The following M1AP variants were observed in gnomAD, a reference collection of about 807,000 sequenced individuals.
M1AP encodes the protein meiosis 1 associated protein.
Under a neutral mutation model 51.2 loss-of-function variants are expected in M1AP, and 39 were observed. The ratio of observed to expected loss-of-function variants is 0.76; its 90% CI spans 0.59 to 1.00. M1AP has a LOEUF of 1.00. Among genes scored for constraint, M1AP ranks in the 50% least tolerant of loss-of-function variants. M1AP has a pLI of 0.00. For synonymous variants in M1AP, 251 were observed against 249.2 expected, an observed-to-expected ratio of 1.01 and a Z score of -0.07; for missense variants, 545 against 641.2, an observed-to-expected ratio of 0.85 and a Z score of 1.62.
At chr2:74,606,499 C>A (rs1341121601) in intron 4 of M1AP, among the ~76,000 whole-genome samples, 2 of 152,076 alleles carry the variant, frequency 1.3e-5, no homozygotes, top group African/African-American at 4.8e-5. Context: ...AGCTGTCCAA[C>A]ACACATGAAC....
intron 2 of M1AP, among the ~76,000 whole-genome samples, chr2:74,617,223 C>A (rs1681718912): frequency 6.6e-6 from 1 of 152,174 alleles, no homozygotes. Context: ...AACTATAGGA[C>A]AGACACAGAA....
rs1233987741 is a variant in M1AP, at chr2:74,571,432, CTGACT to C, written c.1074+4001_1074+4005del. 2.0e-5 allele frequency among the ~76,000 whole-genome samples: 3 copies of C among 152,090 alleles called. No homozygotes were observed. The East Asian group carries it at 5.8e-4, about 29-fold the overall frequency. ...GAAGGCAAGAGAGTTAAATATGGAG[CTGACT>C]TGAAATCAGATTTTAAAAGAACATA... On this transcript the variant is annotated intron_variant, in intron 7 of 10. Coordinates refer to ENST00000421985, the MANE Select transcript of M1AP (RefSeq NM_001321739.2).
chr2:74,615,053 G>T lies in M1AP; in HGVS notation c.337C>A (p.Arg113=). The part of the protein sequence containing the change: ...GCFRSQGASL[R]LAVEDGLQQF... ...TGGAGCCCATCCTCTACTGCCAGCCGCAGAGAAGCACCTTGTGATCTGAAA... is the reference window on the plus strand; with the variant it reads ...TGGAGCCCATCCTCTACTGCCAGCCTCAGAGAAGCACCTTGTGATCTGAAA... The change falls in exon 3 of 11, where the codon CGG becomes AGG. Residue 113 remains arginine (R), a synonymous_variant. Coordinates refer to ENST00000421985, the MANE Select transcript of M1AP (RefSeq NM_001321739.2). 1.9e-6 allele frequency: 3 copies of T among 1,614,126 alleles called. No individual in the cohort carries two copies. The highest frequency in any genetic ancestry group is 2.5e-6 in the Non-Finnish European group (3 of 1,179,996).
At chr2:74,576,049 GGAA>G (rs1679047981) in intron 6 of M1AP, among the ~76,000 whole-genome samples, 1 of 152,114 alleles carries the variant, frequency 6.6e-6, no homozygotes, top group Non-Finnish European at 1.5e-5. Flanking sequence ...TGGTTCTCCT[GGAA>G]GAAGGAATTC....
intron 2 of M1AP, among the ~76,000 whole-genome samples, chr2:74,630,503 C>A (rs192298683): frequency 6.6e-6 from 1 of 152,264 alleles, no homozygotes; most frequent in African/African-American, 2.4e-5. Context: ...CCTCAACGGG[C>A]CCCAGTGTGT....
chr2:74,561,349 C>A (rs1313584920), intron 8 of M1AP, among the ~76,000 whole-genome samples: 1 of 152,054 alleles, frequency 6.6e-6, no homozygotes, highest in Non-Finnish European at 1.5e-5. Context: ...TGAAGCCCTT[C>A]CTATTTTGGG....
chr2:74,637,408 G>C (rs1044401521), intron 2 of M1AP, among the ~76,000 whole-genome samples: 36 of 152,186 alleles, frequency 2.4e-4, no homozygotes, highest in African/African-American at 8.7e-4. Context: ...TGTCACTTCT[G>C]GGTCAGTTTT....
intron 6 of M1AP, among the ~76,000 whole-genome samples, 156 bp from the exon 7 acceptor site, chr2:74,575,735 A>G (rs1431449780): frequency 6.6e-6 from 1 of 152,280 alleles, no homozygotes. Context: ...CATCTAGCAT[A>G]GTATCTAGCA....
At position 74,596,803 on chromosome 2, in the gene M1AP, C is replaced by T. The variant is rs115788464; in HGVS notation, c.595+10252G>A. Among the ~76,000 whole-genome samples, 1,516 of 152,136 alleles carry T rather than the reference C, an allele frequency of 1.0e-2. 30 individuals are homozygous for T. The highest frequency in any genetic ancestry group is 0.034 in the African/African-American group (1,432 of 41,518). The stretch of plus-strand genomic sequence containing the variant: ...CCACTACTCAGCAATAAAAAGAAAA[C>T]GCACTACTGATATAAACAACATAGC... On this transcript the variant is annotated intron_variant, in intron 4 of 10. Coordinates refer to ENST00000421985, the MANE Select transcript of M1AP (RefSeq NM_001321739.2).
At position 74,647,975 on chromosome 2, in the gene M1AP, T is replaced by G. The variant is rs561508111; in HGVS notation, c.-53+290A>C. The G allele has an allele frequency of 3.1e-6, 3 of 979,042 alleles. No individual in the cohort carries two copies. In the South Asian group the frequency reaches 1.4e-4, roughly 46 times the overall value. 60.6% of individuals were successfully genotyped at this position (979,042 alleles called of 1,614,324 possible). A position where few individuals can be genotyped will look rare whatever the true frequency, so the allele number is the denominator to read the frequency against. ...TGGTCCCTCGGCATGGCGCCTACCG[T>G]GCCTGGCGGATCAGCAGCCCGGCCC... On this transcript the variant is annotated intron_variant, in intron 1 of 10. Coordinates refer to ENST00000421985, the MANE Select transcript of M1AP (RefSeq NM_001321739.2).
intron 4 of M1AP, among the ~76,000 whole-genome samples, chr2:74,593,686 A>C (rs1473825264): frequency 1.3e-5 from 2 of 152,192 alleles, no homozygotes; most frequent in Non-Finnish European, 2.9e-5. Flanking sequence ...TGGCCTGAAC[A>C]ATATTTAAAA....
intron 8 of M1AP, among the ~76,000 whole-genome samples, chr2:74,561,756 C>G (rs1678029028): frequency 6.6e-6 from 1 of 152,140 alleles, no homozygotes; most frequent in Non-Finnish European, 1.5e-5. Flanking sequence ...ACCAAACAAG[C>G]GTCCAGTGCA....
intron 7 of M1AP, among the ~76,000 whole-genome samples, chr2:74,565,145 C>T (rs1387105402): frequency 6.6e-6 from 1 of 152,002 alleles, no homozygotes; most frequent in Non-Finnish European, 1.5e-5. Flanking sequence ...ATCACTTGAA[C>T]CCGGGAGGTG....
At chr2:74,599,999 C>G (rs535784425) in intron 4 of M1AP, among the ~76,000 whole-genome samples, 3 of 152,196 alleles carry the variant, frequency 2.0e-5, no homozygotes, top group African/African-American at 7.2e-5. Flanking sequence ...ATTGCCCAGG[C>G]TGGTCTCAAA....
Position 74,562,398 on chromosome 2 carries a change from T to A in M1AP, c.1100A>T (p.Lys367Met). 1 of 1,614,218 alleles carries A rather than the reference T, an allele frequency of 6.2e-7. No individual in the cohort carries two copies. Residue 367 changes from lysine to methionine, a missense_variant, in exon 8 of 11, where the codon AAG becomes ATG. Physicochemically the swap from Lys to Met is moderately conservative, Grantham distance 95. Coordinates refer to ENST00000421985, the MANE Select transcript of M1AP (RefSeq NM_001321739.2). ...LLKREWLLLA[K>M]GEPPGPGHSQ... The stretch of plus-strand genomic sequence containing the variant: ...GTGTCCTGGGCCCGGTGGTTCCCCC[T>A]TGGCTAACAGCAGCCATTCCCTTTT...
intron 2 of M1AP, among the ~76,000 whole-genome samples, chr2:74,619,763 T>C (rs754153530): frequency 2.0e-5 from 3 of 152,238 alleles, no homozygotes; most frequent in Admixed American, 1.3e-4. Flanking sequence ...ACCAGACATA[T>C]TGAAGAATAA....
chr2:74,643,493 A>T (rs1400842347), intron 1 of M1AP, among the ~76,000 whole-genome samples: 1 of 152,218 alleles, frequency 6.6e-6, no homozygotes, highest in Non-Finnish European at 1.5e-5. Context: ...AGAATTGATT[A>T]TCACAAAAAT....
intron 8 of M1AP, among the ~76,000 whole-genome samples, chr2:74,561,121 GAGGAGAAGGAGGAGGAGGAGA>G (rs1677924642): frequency 4.9e-5 from 5 of 102,746 alleles, no homozygotes; most frequent in African/African-American, 1.5e-4. Flanking sequence ...GAAGGAGGAG[GAGGAGAAGGAGGAGGAGGAGA>G]AGGAGGAGGA....
intron 2 of M1AP, chr2:74,628,664 C>T: frequency 2.8e-6 from 2 of 702,820 alleles, no homozygotes; most frequent in South Asian, 1.3e-5. Flanking sequence ...CAATGTGACT[C>T]CACCAACATA....
Sources: gnomAD v4.1 joint callset for allele counts (sites outside exome capture counted in the v4.1 genomes callset) on GRCh38, gnomAD v4.1.1 for gene constraint, MANE v1.5 for transcripts, NCBI Gene and HGNC (gene_info 2026-07-23, HGNC 2026-07-21) for gene names.